The following MEF2A variants were observed in gnomAD, a reference collection of about 807,000 sequenced individuals.
MEF2A encodes myocyte enhancer factor 2A, also known as myocyte-specific enhancer factor 2A.
MEF2A carries 28 observed loss-of-function variants against 55.8 expected under a neutral mutation model. That is an observed-to-expected ratio of 0.50 (90% CI 0.37 to 0.69). The LOEUF is 0.69. Among genes scored for constraint, MEF2A ranks in the 30% least tolerant of loss-of-function variants. The pLI, the probability that MEF2A is intolerant of heterozygous loss-of-function variation, is 0.00. For synonymous variants in MEF2A, 239 were observed against 227.1 expected (o/e 1.05, Z -0.47); for missense variants, 528 against 626.2 (o/e 0.84, Z 1.67).
At chr15:99,571,597 A>G (rs1962328432) in intron 1 of MEF2A, among the ~76,000 whole-genome samples, 1 of 152,184 alleles carries the variant, frequency 6.6e-6, no homozygotes, top group African/African-American at 2.4e-5. Flanking sequence ...ATGTTTTCAT[A>G]CTGATGACTA....
chr15:99,603,891 C>T (rs570664689), intron 2 of MEF2A, among the ~76,000 whole-genome samples: 79 of 152,174 alleles, frequency 5.2e-4, no homozygotes, highest in Middle Eastern at 3.4e-3. Flanking sequence ...ATTTATTTTT[C>T]CTTTTACTGG....
At chr15:99,707,982 C>T (rs943334078) in intron 10 of MEF2A, among the ~76,000 whole-genome samples, 3 of 151,814 alleles carry the variant, frequency 2.0e-5, no homozygotes, top group Admixed American at 6.6e-5. Flanking sequence ...CTTTTCCAAC[C>T]GTTAGTATGA....
chr15:99,703,492 T>G lies in MEF2A; in HGVS notation c.882+107T>G, dbSNP rs868017403. ...GTTCCCTTTGTTACACAAATTTTTT[T>G]AAACACTATTCAAACACTTTGAATA... is the stretch of plus-strand genomic sequence containing the variant. On this transcript the variant is annotated intron_variant, in intron 9 of 11. Transcript: ENST00000557942. The G allele has an allele frequency of 5.1e-5, 57 of 1,108,840 alleles. No homozygotes were observed. The Middle Eastern group carries it at 1.6e-3, about 32-fold the overall frequency. The allele number at this position is 1,108,840 out of a possible 1,614,324, so 68.7% of individuals were successfully genotyped here.
At chr15:99,573,144 C>T (rs1057289835) in intron 1 of MEF2A, among the ~76,000 whole-genome samples, 17 of 152,082 alleles carry the variant, frequency 1.1e-4, no homozygotes, top group Non-Finnish European at 1.3e-4. Flanking sequence ...AAAAATTAGC[C>T]GGGCGTGGTG....
Position 99,674,558 on chromosome 15 carries a change from C to T in MEF2A, c.556C>T (p.His186Tyr). 6.2e-7 allele frequency: 1 copy of T among 1,614,014 alleles called. No homozygotes were observed. Among genetic ancestry groups the T allele is most frequent in the South Asian group, 1.1e-5 (1 of 91,080 alleles). ...GCTCTCTCCACCTCAAACCACATTA[C>T]ATAGAAATGTGTCTCCTGGAGCTCC... ...SMLSPPQTTL[H>Y]RNVSPGAPQR... Residue 186 changes from histidine to tyrosine, a missense_variant, in exon 6 of 12, where the codon CAT becomes TAT. By Grantham distance (83) the His-to-Tyr change is moderately conservative. Transcript: ENST00000557942.
intron 4 of MEF2A, among the ~76,000 whole-genome samples, chr15:99,662,502 T>C (rs946640680): frequency 2.7e-5 from 4 of 148,660 alleles, no homozygotes; most frequent in African/African-American, 9.9e-5. Context: ...TGAGACAGAG[T>C]CTTGTTCTGT....
intron 9 of MEF2A, among the ~76,000 whole-genome samples, chr15:99,704,719 C>G (rs762903252): frequency 6.6e-6 from 1 of 152,190 alleles, no homozygotes; most frequent in Non-Finnish European, 1.5e-5. Context: ...CCAGGCCAAA[C>G]TATGTCATAC....
At chr15:99,571,030 C>G (rs1287645776) in intron 1 of MEF2A, among the ~76,000 whole-genome samples, 1 of 151,882 alleles carries the variant, frequency 6.6e-6, no homozygotes, top group African/African-American at 2.4e-5. Context: ...ACTAAAAATA[C>G]AAAAATTAGC....
At chr15:99,583,498 TTGTG>T (rs766259615) in intron 1 of MEF2A, among the ~76,000 whole-genome samples, 23 of 152,260 alleles carry the variant, frequency 1.5e-4, no homozygotes, top group Non-Finnish European at 3.1e-4. Context: ...AAGTTTGTGT[TTGTG>T]TGTGCTTCTT....
chr15:99,611,248 A>G (rs1171804985), intron 2 of MEF2A, among the ~76,000 whole-genome samples: 1 of 152,232 alleles, frequency 6.6e-6, no homozygotes, highest in Non-Finnish European at 1.5e-5. Flanking sequence ...TCTCAAAAAC[A>G]AAACAAAACA....
intron 3 of MEF2A, among the ~76,000 whole-genome samples, chr15:99,642,943 TG>T (rs1189187973): frequency 6.6e-6 from 1 of 152,234 alleles, no homozygotes; most frequent in Non-Finnish European, 1.5e-5. Context: ...TGTGTATGTA[TG>T]TATGTGTCCA....
intron 4 of MEF2A, 84 bp from the exon 5 acceptor site, chr15:99,671,239 G>A (rs563011577): frequency 1.7e-5 from 25 of 1,466,238 alleles, no homozygotes; most frequent in East Asian, 2.3e-5. Flanking sequence ...AGTTCATTCC[G>A]TCTGTGCTCT....
intron 7 of MEF2A, among the ~76,000 whole-genome samples, chr15:99,683,610 G>A (rs930748945): frequency 6.6e-6 from 1 of 151,480 alleles, no homozygotes; most frequent in African/African-American, 2.4e-5. Flanking sequence ...CGCCATGTTG[G>A]CCAGGCTGGT....
At chr15:99,593,179 G>T (rs1292992726) in intron 1 of MEF2A, among the ~76,000 whole-genome samples, 1 of 151,976 alleles carries the variant, frequency 6.6e-6, no homozygotes. Context: ...CATCCTTTTT[G>T]CTAATCTGTC....
Position 99,674,595 on chromosome 15 carries a change from C to T in MEF2A, c.593C>T (p.Pro198Leu). 1 of 1,613,392 alleles carries T rather than the reference C, an allele frequency of 6.2e-7. No individual in the cohort carries two copies. Among genetic ancestry groups the T allele is most frequent in the Non-Finnish European group, 8.5e-7 (1 of 1,179,360 alleles). Residue 198 changes from proline to leucine, a missense_variant, in exon 6 of 12, where the codon CCA (proline) becomes CTA (leucine). Around this residue, in one of 2 missense-constraint regions of MEF2A, gnomAD observed 450 missense variants for 475.3 expected, o/e 0.95. Coordinates refer to ENST00000557942, the MANE Select transcript of MEF2A (RefSeq NM_001319206.4). ...TCTCCTGGAGCTCCTCAGAGACCAC[C>T]AAGTACTGGCAATGCAGGTATGTAG... ...NVSPGAPQRP[P>L]STGNAGGMLS...
chr15:99,588,070 T>C (rs976088945), intron 1 of MEF2A, among the ~76,000 whole-genome samples: 1 of 152,160 alleles, frequency 6.6e-6, no homozygotes, highest in African/African-American at 2.4e-5. Context: ...CTGTGGATGC[T>C]CTTTATAGGT....
In MEF2A at chr15:99,671,339, G is replaced by T; in HGVS notation, c.275G>T (p.Gly92Val). The stretch of plus-strand genomic sequence containing the variant: ...GTATTTCAGACTTTAAGAAAGAAAG[G>T]CCTTAATGGTTGTGAGAGCCCTGAT... ...SDIVETLRKK[G>V]LNGCESPDAD... Residue 92 changes from glycine to valine, a missense_variant, in exon 5 of 12, where the codon GGC (glycine) becomes GTC (valine). This residue lies in a region of MEF2A where 78 missense variants were observed against 150.9 expected (regional missense o/e 0.52). Transcript: ENST00000557942. 1 of 1,610,574 alleles carries T rather than the reference G, an allele frequency of 6.2e-7. No individual in the cohort carries two copies. The highest frequency in any genetic ancestry group is 8.5e-7 in the Non-Finnish European group (1 of 1,177,304).
At chr15:99,628,573 C>T (rs546975795) in intron 2 of MEF2A, among the ~76,000 whole-genome samples, 1 of 152,132 alleles carries the variant, frequency 6.6e-6, no homozygotes, top group South Asian at 2.1e-4. Context: ...CTGTTCTTGC[C>T]ATAGTTACCC....
intron 4 of MEF2A, among the ~76,000 whole-genome samples, chr15:99,670,245 T>G (rs2050589618): frequency 6.6e-6 from 1 of 152,050 alleles, no homozygotes; most frequent in South Asian, 2.1e-4. Context: ...AAACCAACTG[T>G]TTTTTGCATT....
Sources: gnomAD v4.1 joint callset for allele counts (sites outside exome capture counted in the v4.1 genomes callset) on GRCh38, gnomAD v4.1.1 for gene constraint, gnomAD v4.1.1 regional missense constraint, MANE v1.5 for transcripts, NCBI Gene and HGNC (gene_info 2026-07-23, HGNC 2026-07-21) for gene names.